FRAS1: variants seen among roughly 807,000 people sequenced by gnomAD.
FRAS1 encodes the protein Fraser extracellular matrix complex subunit 1.
FRAS1 carries 290 observed loss-of-function variants against 435.2 expected under a neutral mutation model. That is an observed-to-expected ratio of 0.67 (90% CI 0.61 to 0.73). The LOEUF is 0.73. Among genes scored for constraint, FRAS1 ranks in the 30% least tolerant of loss-of-function variants. The pLI, the probability that FRAS1 is intolerant of heterozygous loss-of-function variation, is 0.00. For missense variants in FRAS1, 4,860 were observed against 5,001.5 expected (o/e 0.97, Z 0.85); for synonymous variants, 1,800 against 1,851.0 (o/e 0.97, Z 0.71).
At chr4:78,505,775 G>T (rs1720818640) in intron 61 of FRAS1, among the ~76,000 whole-genome samples, 2 of 152,122 alleles carry the variant, frequency 1.3e-5, no homozygotes, top group Non-Finnish European at 2.9e-5. Flanking sequence ...TCCGTTGCTG[G>T]TGAGGAGCTG....
At chr4:78,070,300 G>A (rs936220327) in intron 2 of FRAS1, among the ~76,000 whole-genome samples, 2 of 151,692 alleles carry the variant, frequency 1.3e-5, no homozygotes, top group African/African-American at 4.8e-5. Context: ...GTATTGTGTT[G>A]TGTTTCCCCA....
rs759222500 is a variant in FRAS1, at chr4:78,308,115, C to T, written c.1584C>T (p.Cys528=). The change falls in exon 15 of 74, where the codon TGC becomes TGT. Residue 528 remains cysteine, a synonymous_variant. Transcript: ENST00000512123. ...AGCWGPTEKH[C]LACRDPLHVL... is the part of the protein sequence containing the mutation. ...GCTGGGGCCCAACGGAGAAGCACTGCTTGGCCTGCAGAGATCCCCTCCACG... is the reference window on the plus strand; with the variant it reads ...GCTGGGGCCCAACGGAGAAGCACTGTTTGGCCTGCAGAGATCCCCTCCACG... 6.2e-7 allele frequency: 1 copy of T among 1,613,890 alleles called. No individual in the cohort carries two copies. Among genetic ancestry groups the T allele is most frequent in the Non-Finnish European group, 8.5e-7 (1 of 1,179,794 alleles).
At chr4:78,279,557 T>C (rs1464847057) in intron 10 of FRAS1, among the ~76,000 whole-genome samples, 1 of 152,166 alleles carries the variant, frequency 6.6e-6, no homozygotes, top group Non-Finnish European at 1.5e-5. Flanking sequence ...GTGAACAGGC[T>C]CTAGATTTAT....
At chr4:78,295,201 T>C (rs1728090382) in intron 14 of FRAS1, among the ~76,000 whole-genome samples, 1 of 152,264 alleles carries the variant, frequency 6.6e-6, no homozygotes, top group Admixed American at 6.5e-5. Context: ...TATGTAACCA[T>C]GATGTAAACA....
intron 2 of FRAS1, among the ~76,000 whole-genome samples, chr4:78,193,212 A>G (rs1722631404): frequency 6.6e-6 from 1 of 152,168 alleles, no homozygotes; most frequent in South Asian, 2.1e-4. Flanking sequence ...CAATTTTGGA[A>G]TAGGTGTGGT....
At chr4:78,436,648 G>C (rs530616008) in intron 38 of FRAS1, among the ~76,000 whole-genome samples, 3 of 151,866 alleles carry the variant, frequency 2.0e-5, no homozygotes, top group African/African-American at 7.3e-5. Context: ...TTATAGCGAC[G>C]TCCAACAGTA....
intron 40 of FRAS1, among the ~76,000 whole-genome samples, chr4:78,439,389 A>G (rs1734565365): frequency 6.6e-6 from 1 of 152,222 alleles, no homozygotes; most frequent in East Asian, 1.9e-4. Context: ...TATTGGCAGC[A>G]ACTAAAACTT....
At chr4:78,442,335 C>A (rs1232345919) in intron 41 of FRAS1, among the ~76,000 whole-genome samples, 1 of 152,202 alleles carries the variant, frequency 6.6e-6, no homozygotes, top group Non-Finnish European at 1.5e-5. Flanking sequence ...TGACAAATTA[C>A]AATAAATGCA....
intron 25 of FRAS1, among the ~76,000 whole-genome samples, chr4:78,374,555 G>C (rs568266724): frequency 3.9e-5 from 6 of 152,362 alleles, no homozygotes; most frequent in Admixed American, 1.3e-4. Context: ...GATCCATTAA[G>C]AGTGGATCAG....
At chr4:78,450,587 GA>G (rs1718990457) in intron 45 of FRAS1, 1 of 450,436 alleles carries the variant, frequency 2.2e-6, no homozygotes, top group Admixed American at 3.9e-5. Flanking sequence ...ATTTTGGAGA[GA>G]AAAAGTTATT....
intron 70 of FRAS1, among the ~76,000 whole-genome samples, chr4:78,530,427 T>G (rs368700718): frequency 5.3e-5 from 8 of 152,100 alleles, no homozygotes; most frequent in East Asian, 1.9e-4. Context: ...TCCCCCAGGC[T>G]TAACCTTGGA....
chr4:78,154,326 C>A (rs905301494), intron 2 of FRAS1, among the ~76,000 whole-genome samples: 2 of 152,050 alleles, frequency 1.3e-5, no homozygotes, highest in African/African-American at 4.8e-5. Context: ...AATTGTATTG[C>A]CTCTGTGTAG....
intron 6 of FRAS1, among the ~76,000 whole-genome samples, chr4:78,262,263 T>G (rs1006462999): frequency 6.6e-6 from 1 of 152,196 alleles, no homozygotes; most frequent in African/African-American, 2.4e-5. Context: ...GGCACTCTCC[T>G]TCCTCACTGC....
intron 2 of FRAS1, among the ~76,000 whole-genome samples, chr4:78,113,013 T>G (rs1482417739): frequency 6.6e-6 from 1 of 152,136 alleles, no homozygotes; most frequent in Non-Finnish European, 1.5e-5. Flanking sequence ...GTGTGTGATG[T>G]TCCCCTTCCT....
chr4:78,396,181 A>T (rs1043475997), intron 29 of FRAS1, among the ~76,000 whole-genome samples: 1 of 152,062 alleles, frequency 6.6e-6, no homozygotes, highest in Non-Finnish European at 1.5e-5. Flanking sequence ...ATATCTTTTT[A>T]TATCATGTAT....
Position 78,372,810 on chromosome 4 carries a change from G to T in FRAS1, c.2962G>T (p.Val988Leu). Residue 988 changes from valine (V) to leucine (L), a missense_variant, in exon 24 of 74, where the codon GTG (valine) becomes TTG (leucine). By Grantham distance (32) the Val-to-Leu change is conservative. Transcript: ENST00000512123. ...DGYVLQDGACVEQCLSSFYQD... is the reference protein window; with the variant it reads ...DGYVLQDGACLEQCLSSFYQD... ...CTATGTTCTCCAGGATGGGGCCTGC[G>T]TGGAGCAGTGCTTGTCATCATTTTA... The T allele has an allele frequency of 1.2e-6, 2 of 1,613,058 alleles. No individual in the cohort carries two copies. Among genetic ancestry groups the T allele is most frequent in the East Asian group, 4.5e-5 (2 of 44,882 alleles).
intron 2 of FRAS1, among the ~76,000 whole-genome samples, chr4:78,189,980 A>C (rs1163018246): frequency 2.0e-5 from 3 of 152,204 alleles, no homozygotes; most frequent in African/African-American, 7.2e-5. Flanking sequence ...GCCTGCACTG[A>C]TGCATTAGCC....
At chr4:78,146,680 T>C (rs1433338026) in intron 2 of FRAS1, among the ~76,000 whole-genome samples, 1 of 145,036 alleles carries the variant, frequency 6.9e-6, no homozygotes, top group Non-Finnish European at 1.5e-5. Context: ...ACATATCTTA[T>C]CATTTCCTCT....
intron 34 of FRAS1, 107 bp downstream of exon 34, chr4:78,422,107 G>T: frequency 8.8e-7 from 1 of 1,140,388 alleles, no homozygotes; most frequent in Non-Finnish European, 1.2e-6. Flanking sequence ...TGGTGCCCCT[G>T]CTTTCTAGCT....
Sources: gnomAD v4.1 joint callset for allele counts (sites outside exome capture counted in the v4.1 genomes callset) on GRCh38, gnomAD v4.1.1 for gene constraint, MANE v1.5 for transcripts, NCBI Gene and HGNC (gene_info 2026-07-23, HGNC 2026-07-21) for gene names.